Variants in EFCAB8 observed in about 807,000 individuals in gnomAD.
EFCAB8 encodes the protein EF-hand calcium-binding domain-containing protein 8.
Under a neutral mutation model 116.3 loss-of-function variants are expected in EFCAB8, and 100 were observed. That is an observed-to-expected ratio of 0.86 (90% CI 0.73 to 1.02). The LOEUF (loss-of-function observed/expected upper bound fraction) is 1.02. EFCAB8 is among the 50% of genes least tolerant of loss of function. EFCAB8 has a pLI of 0.00. For synonymous variants in EFCAB8, 558 were observed against 567.9 expected (o/e 0.98, Z 0.25); for missense variants, 1,320 against 1,416.9 (o/e 0.93, Z 1.10).
intron 14 of EFCAB8, among the ~76,000 whole-genome samples, chr20:32,909,042 G>A (rs992631300): frequency 4.6e-5 from 7 of 152,208 alleles, no homozygotes; most frequent in African/African-American, 1.4e-4. Context: ...CTGCAAGGCT[G>A]AGCCACAACC....
At chr20:32,870,485 G>C (rs1984631441) in intron 3 of EFCAB8, among the ~76,000 whole-genome samples, 1 of 152,100 alleles carries the variant, frequency 6.6e-6, no homozygotes, top group African/African-American at 2.4e-5. Context: ...ACTGTTTTCT[G>C]TTTCCTGTGA....
chr20:32,911,499 G>A lies in EFCAB8; in HGVS notation c.1577G>A (p.Arg526His), dbSNP rs372169789. ...IFKQVVSGCL[R>H]GTVSVWEVVT... is the part of the protein sequence containing the mutation. ...CTACAGGTGGTGAGTGGCTGCCTGC[G>A]CGGCACAGTGAGTGTGTGGGAGGTC... The change falls in exon 16 of 27, where the codon CGC becomes CAC. Residue 526 changes from arginine (R) to histidine (H), a missense_variant. Arg to His is a conservative substitution (Grantham distance 29, BLOSUM62 0). Coordinates refer to ENST00000400522, the MANE Select transcript of EFCAB8 (RefSeq NM_001143967.2). 6.4e-5 allele frequency: 95 copies of A among 1,494,810 alleles called. No homozygotes were observed. In the African/African-American group the frequency reaches 1.1e-3, roughly 17 times the overall value. 92.6% of individuals were successfully genotyped at this position (1,494,810 alleles called of 1,614,324 possible).
intron 22 of EFCAB8, among the ~76,000 whole-genome samples, chr20:32,932,885 T>C (rs1416286000): frequency 6.6e-6 from 1 of 152,234 alleles, no homozygotes; most frequent in Non-Finnish European, 1.5e-5. Context: ...AATCTCTACA[T>C]GAGTATGTTA....
intron 17 of EFCAB8, among the ~76,000 whole-genome samples, chr20:32,915,078 T>C (rs1043423818): frequency 6.6e-6 from 1 of 152,052 alleles, no homozygotes; most frequent in Non-Finnish European, 1.5e-5. Flanking sequence ...AAAAAAAAAT[T>C]TTTTTATAGA....
chr20:32,919,433 A>G (rs1987347636), intron 19 of EFCAB8, among the ~76,000 whole-genome samples: 1 of 152,204 alleles, frequency 6.6e-6, no homozygotes, highest in South Asian at 2.1e-4. Context: ...ATCAGAGGTT[A>G]CACCACTGTT....
chr20:32,937,579 CA>C (rs1359606906), intron 22 of EFCAB8, among the ~76,000 whole-genome samples: 1 of 152,082 alleles, frequency 6.6e-6, no homozygotes, highest in Admixed American at 6.6e-5. Context: ...AGTACACATT[CA>C]GATGGTTTCA....
At chr20:32,887,042 T>A (rs540539526) in intron 6 of EFCAB8, among the ~76,000 whole-genome samples, 121 of 152,170 alleles carry the variant, frequency 8.0e-4, no homozygotes, top group Non-Finnish European at 1.6e-3. Flanking sequence ...TTAGGAGGGT[T>A]CTGGTCCATT....
At position 32,873,237 on chromosome 20, in the gene EFCAB8, C is replaced by T. The variant is rs548967360; in HGVS notation, c.209-2689C>T. Among the ~76,000 whole-genome samples, 317 of 151,994 alleles carry T rather than the reference C, an allele frequency of 2.1e-3. 1 individual carries two copies. The highest frequency in any genetic ancestry group is 3.3e-3 in the Non-Finnish European group (221 of 67,958). On this transcript the variant is annotated intron_variant, in intron 3 of 26. Coordinates refer to ENST00000400522, the MANE Select transcript of EFCAB8 (RefSeq NM_001143967.2). ...GCGGGGGTGGCCTCCTTAGACAGAC[C>T]CTAGGAAGGCTTCCCTATGGAAGGA...
chr20:32,894,940 C>G (rs933956896), intron 9 of EFCAB8, among the ~76,000 whole-genome samples: 1 of 152,240 alleles, frequency 6.6e-6, no homozygotes, highest in African/African-American at 2.4e-5. Flanking sequence ...CCACCCCTCC[C>G]TGGGACTTAC....
At chr20:32,900,050 G>A (rs1986356620) in intron 11 of EFCAB8, among the ~76,000 whole-genome samples, 4 of 152,162 alleles carry the variant, frequency 2.6e-5, no homozygotes, top group Admixed American at 2.6e-4. Context: ...TGCACAGGCT[G>A]AAGATTGAGC....
At chr20:32,872,316 A>C (rs1984719727) in intron 3 of EFCAB8, among the ~76,000 whole-genome samples, 1 of 152,144 alleles carries the variant, frequency 6.6e-6, no homozygotes, top group Admixed American at 6.5e-5. Context: ...GTCAGGGTGC[A>C]TAAGGCACAG....
rs138510789 is a variant in EFCAB8 at position 32,891,179 on chromosome 20, G to A, written c.674-1034G>A. 2.9e-4 allele frequency among the ~76,000 whole-genome samples: 44 copies of A among 151,864 alleles called. No homozygotes were observed. In the Middle Eastern group the frequency reaches 0.014, roughly 47 times the overall value. Reference sequence around the variant, plus strand: ...GGCTGGAGTGCAGTGGCACAATCTCGGCTCACTGCAACCTCTGCCTCCCGG... The same window carrying A: ...GGCTGGAGTGCAGTGGCACAATCTCAGCTCACTGCAACCTCTGCCTCCCGG... On this transcript the variant is annotated intron_variant, in intron 7 of 26. Coordinates refer to ENST00000400522, the MANE Select transcript of EFCAB8 (RefSeq NM_001143967.2).
At chr20:32,897,075 G>A (rs1986194974) in intron 10 of EFCAB8, among the ~76,000 whole-genome samples, 1 of 152,066 alleles carries the variant, frequency 6.6e-6, no homozygotes, top group South Asian at 2.1e-4. Flanking sequence ...CCGCCTCTGT[G>A]CCTCGGCATG....
In EFCAB8 at chr20:32,889,580, G is replaced by A. The variant is rs187760246; in HGVS notation, c.673+174G>A. Among the ~76,000 whole-genome samples the A allele has an allele frequency of 1.1e-3, 163 of 152,222 alleles. No homozygotes were observed. The East Asian group carries it at 0.028, about 26-fold the overall frequency. The stretch of plus-strand genomic sequence containing the variant: ...GGCAGGGGGTGGTCGGTGAATGCTC[G>A]AATGAATACAGTGATGTTGAACAGA... On this transcript the variant is annotated intron_variant, in intron 7 of 26. Coordinates refer to ENST00000400522, the MANE Select transcript of EFCAB8 (RefSeq NM_001143967.2).
At chr20:32,873,266 C>T (rs1351278425) in intron 3 of EFCAB8, among the ~76,000 whole-genome samples, 1 of 151,938 alleles carries the variant, frequency 6.6e-6, no homozygotes, top group African/African-American at 2.4e-5. Context: ...GGAAGGAGCC[C>T]CCTGAACTCT....
intron 22 of EFCAB8, among the ~76,000 whole-genome samples, chr20:32,941,008 C>T (rs561712359): frequency 6.7e-6 from 1 of 149,570 alleles, no homozygotes; most frequent in East Asian, 2.0e-4. Flanking sequence ...AATCCCAGCA[C>T]TTTGGGAGGC....
chr20:32,866,027 A>T (rs189795672), intron 2 of EFCAB8, among the ~76,000 whole-genome samples: 24 of 152,022 alleles, frequency 1.6e-4, no homozygotes, highest in African/African-American at 5.3e-4. Context: ...AAGAGGGAAG[A>T]GCTGAAGGCG....
intron 7 of EFCAB8, among the ~76,000 whole-genome samples, chr20:32,890,650 A>G (rs971565528): frequency 8.5e-5 from 13 of 152,214 alleles, no homozygotes; most frequent in Admixed American, 8.5e-4. Context: ...ACATGAAATG[A>G]CAGCTGGTGA....
chr20:32,904,811 G>T (rs1443556351), intron 11 of EFCAB8, among the ~76,000 whole-genome samples: 6 of 151,374 alleles, frequency 4.0e-5, no homozygotes, highest in African/African-American at 1.5e-4. Flanking sequence ...ATTTTTAGTA[G>T]AGGCGAGGTT....
Sources: allele counts gnomAD v4.1 joint callset (sites outside exome capture counted in the v4.1 genomes callset), GRCh38; gene constraint gnomAD v4.1.1; transcripts MANE v1.5; gene names NCBI Gene and HGNC (gene_info 2026-07-23, HGNC 2026-07-21).